Variants in DLGAP1 observed in about 807,000 individuals in gnomAD.
DLGAP1 encodes the protein disks large-associated protein 1.
A neutral mutation model predicts 90.8 loss-of-function variants in DLGAP1; 11 were observed. The observed-to-expected ratio is 0.12, with a 90% CI of 0.08 to 0.20. DLGAP1 has a LOEUF of 0.20. Among genes scored for constraint, DLGAP1 ranks in the 10% least tolerant of loss-of-function variants. The pLI, the probability that DLGAP1 is intolerant of heterozygous loss-of-function variation, is 1.00. For missense variants in DLGAP1, 1,050 were observed against 1,333.8 expected (o/e 0.79, Z 3.31); for synonymous variants, 558 against 540.7 (o/e 1.03, Z -0.44).
chr18:3,794,917 T>G (rs1234421964), intron 5 of DLGAP1, among the ~76,000 whole-genome samples: 1 of 152,220 alleles, frequency 6.6e-6, no homozygotes, highest in African/African-American at 2.4e-5. Flanking sequence ...TCTCTCCCAC[T>G]TATCTCCCAC....
At chr18:3,583,232 TTCTC>T (rs2055674177) in intron 7 of DLGAP1, among the ~76,000 whole-genome samples, 1 of 145,216 alleles carries the variant, frequency 6.9e-6, no homozygotes, top group African/African-American at 2.6e-5. Context: ...CTCCCTCCCT[TTCTC>T]TCTCTGTCCC....
At chr18:4,204,467 G>A (rs946400382) in intron 1 of DLGAP1, among the ~76,000 whole-genome samples, 2 of 151,456 alleles carry the variant, frequency 1.3e-5, no homozygotes, top group Non-Finnish European at 2.9e-5. Context: ...CATTCATAAG[G>A]ATGGCTGTAT....
rs147471206 is a variant in DLGAP1 at position 4,246,752 on chromosome 18, C to T, written c.-266-95465G>A. 4.6e-5 allele frequency among the ~76,000 whole-genome samples: 7 copies of T among 152,272 alleles called. No individual in the cohort carries two copies. In the East Asian group the frequency reaches 9.6e-4, roughly 21 times the overall value. On this transcript the variant is annotated intron_variant, in intron 1 of 12. Transcript: ENST00000315677. The stretch of plus-strand genomic sequence containing the variant: ...TGGACAAAGGAAGAATGGCAAAAAA[C>T]GTTGAAGAAAAGCAAGAAGGGTTGT...
intron 1 of DLGAP1, among the ~76,000 whole-genome samples, chr18:4,221,953 C>T (rs1415158035): frequency 1.3e-5 from 2 of 152,148 alleles, no homozygotes; most frequent in African/African-American, 4.8e-5. Context: ...GAATCTCTTG[C>T]ATCTTTGAAC....
intron 1 of DLGAP1, among the ~76,000 whole-genome samples, chr18:4,357,400 C>T (rs2081545316): frequency 1.3e-5 from 2 of 151,938 alleles, no homozygotes; most frequent in Admixed American, 6.6e-5. Context: ...ATGATCCACC[C>T]GCCTCGGCCT....
chr18:4,180,415 C>T (rs745350801), intron 1 of DLGAP1, among the ~76,000 whole-genome samples: 53 of 152,126 alleles, frequency 3.5e-4, no homozygotes, highest in Admixed American at 2.6e-4. Flanking sequence ...CCCAAAATTC[C>T]ACACATTTGA....
At chr18:4,210,645 C>T (rs933293831) in intron 1 of DLGAP1, among the ~76,000 whole-genome samples, 6 of 152,056 alleles carry the variant, frequency 3.9e-5, no homozygotes, top group South Asian at 2.1e-4. Flanking sequence ...GATGGCCTCT[C>T]GGAGAATAGA....
intron 3 of DLGAP1, among the ~76,000 whole-genome samples, chr18:3,904,539 G>C (rs1340061875): frequency 2.0e-5 from 3 of 152,206 alleles, no homozygotes; most frequent in Admixed American, 6.5e-5. Context: ...GAGTTGAACT[G>C]TAACAGCATT....
At chr18:3,971,652 T>G (rs6506146) in intron 3 of DLGAP1, among the ~76,000 whole-genome samples, 1 of 152,178 alleles carries the variant, frequency 6.6e-6, no homozygotes, top group Non-Finnish European at 1.5e-5. Flanking sequence ...TGTCCATCTA[T>G]CCTTTGGTAA....
intron 7 of DLGAP1, among the ~76,000 whole-genome samples, chr18:3,674,289 A>T (rs554805016): frequency 4.2e-5 from 4 of 96,048 alleles, no homozygotes; most frequent in African/African-American, 2.5e-4. Flanking sequence ...TGTCTCTATA[A>T]TATTAAAATA....
At chr18:4,189,735 G>A (rs897370148) in intron 1 of DLGAP1, among the ~76,000 whole-genome samples, 1 of 152,092 alleles carries the variant, frequency 6.6e-6, no homozygotes, top group Non-Finnish European at 1.5e-5. Context: ...CAATGATTAA[G>A]ACAGTACAGT....
chr18:4,130,607 C>A (rs1297012823), intron 2 of DLGAP1, among the ~76,000 whole-genome samples: 1 of 152,122 alleles, frequency 6.6e-6, no homozygotes, highest in Non-Finnish European at 1.5e-5. Flanking sequence ...CAGATTCAGT[C>A]CTTGTTCTTG....
chr18:3,904,554 A>G (rs1281334827), intron 3 of DLGAP1, among the ~76,000 whole-genome samples: 2 of 152,210 alleles, frequency 1.3e-5, no homozygotes, highest in African/African-American at 4.8e-5. Flanking sequence ...AGCATTGATC[A>G]TCGGCATTCT....
At chr18:3,528,307 T>C (rs2051779355) in intron 10 of DLGAP1, among the ~76,000 whole-genome samples, 1 of 152,218 alleles carries the variant, frequency 6.6e-6, no homozygotes, top group Non-Finnish European at 1.5e-5. Context: ...TGGCTATGCC[T>C]GCCAAGTGGG....
chr18:4,248,126 G>C (rs1286081113), intron 1 of DLGAP1, among the ~76,000 whole-genome samples: 1 of 152,090 alleles, frequency 6.6e-6, no homozygotes, highest in Non-Finnish European at 1.5e-5. Context: ...GCCTTCACTC[G>C]GGTCTTCACT....
intron 1 of DLGAP1, among the ~76,000 whole-genome samples, chr18:4,325,507 C>G (rs1213676376): frequency 6.6e-6 from 1 of 151,952 alleles, no homozygotes; most frequent in African/African-American, 2.4e-5. Flanking sequence ...TAAAAAAAAA[C>G]TATTTAAAAA....
At chr18:3,994,694 G>A (rs564699992) in intron 3 of DLGAP1, among the ~76,000 whole-genome samples, 2 of 152,164 alleles carry the variant, frequency 1.3e-5, no homozygotes, top group Non-Finnish European at 2.9e-5. Context: ...ACTAGGATTA[G>A]TTACATTAAT....
intron 7 of DLGAP1, among the ~76,000 whole-genome samples, chr18:3,677,961 T>C (rs1316629232): frequency 1.1e-3 from 1 of 898 alleles, no homozygotes; most frequent in African/African-American, 1.3e-3. Flanking sequence ...GCCCGGTGGG[T>C]TTTTTTTTTT....
chr18:3,922,350 G>A (rs1396422666), intron 3 of DLGAP1, among the ~76,000 whole-genome samples: 1 of 152,160 alleles, frequency 6.6e-6, no homozygotes, highest in Non-Finnish European at 1.5e-5. Context: ...CAGGCACTAG[G>A]GATATGAAGT....
Sources: allele counts gnomAD v4.1 joint callset (sites outside exome capture counted in the v4.1 genomes callset), GRCh38; gene constraint gnomAD v4.1.1; transcripts MANE v1.5; gene names NCBI Gene and HGNC (gene_info 2026-07-23, HGNC 2026-07-21).